The following COL11A2 variants were observed in gnomAD, a reference collection of about 807,000 sequenced individuals.
COL11A2 encodes collagen alpha-2(XI) chain.
A neutral mutation model predicts 273.4 loss-of-function variants in COL11A2; 116 were observed. The ratio of observed to expected loss-of-function variants is 0.42; its 90% CI spans 0.36 to 0.49. COL11A2 has a LOEUF of 0.49. COL11A2 is among the 20% of genes least tolerant of loss of function. The probability of loss-of-function intolerance (pLI) is 0.00; values close to 1 mark genes in which losing one functional copy is unlikely to be tolerated. For missense variants in COL11A2, 1,866 were observed against 2,309.0 expected (o/e 0.81, Z 3.93); for synonymous variants, 782 against 864.2 (o/e 0.90, Z 1.67).
In COL11A2 at chr6:33,189,368, C is replaced by G; in HGVS notation, c.184G>C (p.Val62Leu). The change falls in exon 2 of 66, where the codon GTG (valine) becomes CTG (leucine). Residue 62 changes from valine (V) to leucine (L), a missense_variant. Val to Leu is a conservative substitution (Grantham distance 32, BLOSUM62 1). Coordinates refer to ENST00000341947, the MANE Select transcript of COL11A2 (RefSeq NM_080680.3). This position sits in a 1 kb window ranked among gnomAD's most constrained non-coding sequence, Gnocchi z 5.6. Reference protein sequence around the residue: ...GICPADVAYRVARPAQLSAPT... With the variant: ...GICPADVAYRLARPAQLSAPT... Reference sequence around the variant, plus strand: ...GCACTGAGCTGGGCAGGTCGTGCCACTCGGTAGGCCACATCAGCTGGACAG... The same window carrying G: ...GCACTGAGCTGGGCAGGTCGTGCCAGTCGGTAGGCCACATCAGCTGGACAG... 1 of 1,613,380 alleles carries G rather than the reference C, an allele frequency of 6.2e-7. No individual in the cohort carries two copies. The highest frequency in any genetic ancestry group is 8.5e-7 in the Non-Finnish European group (1 of 1,180,028).
Position 33,185,045 on chromosome 6 carries a change from G to A in COL11A2, c.886C>T (p.Pro296Ser), listed in dbSNP as rs1462458544. The A allele has an allele frequency of 2.6e-6, 4 of 1,551,136 alleles. No homozygotes were observed. In the South Asian group the frequency reaches 4.8e-5, roughly 18 times the overall value. ...GTTPDYQDPT[P>S]GEEEEILESS... is the part of the protein sequence containing the mutation. ...TCCAGGATTTCTTCCTCTTCACCTG[G>A]GGTGGGGTCCTGACCCCAAGGAGAG... The change falls in exon 7 of 66, where the codon CCA (proline) becomes TCA (serine). Residue 296 changes from proline to serine, a missense_variant. Transcript: ENST00000341947.
At chr6:33,192,486 G>A (rs1455194722), upstream of COL11A2, 19 of 563,418 alleles carry the variant, frequency 3.4e-5, no homozygotes, top group Non-Finnish European at 1.3e-5. Context: ...CCACCCTGGC[G>A]CCCAGAGCCC....
chr6:33,169,824 C>G lies in COL11A2; in HGVS notation c.3690+7G>C, dbSNP rs755503010. The G allele has an allele frequency of 4.3e-6, 7 of 1,614,096 alleles. No homozygotes were observed. The highest frequency in any genetic ancestry group is 8.5e-7 in the Non-Finnish European group (1 of 1,179,992). On this transcript the variant is annotated splice_region_variant and intron_variant, in intron 50 of 65. Transcript: ENST00000341947. The surrounding 1 kb of genome is among the most constrained non-coding windows in gnomAD (Gnocchi z 5.5). ...CTGGGGAGTAAGGCCTTGGAGCTGT[C>G]ACTCACCTTGACACCTGGCTCGCCC...
rs760180011 is a variant in COL11A2 at position 33,180,276 on chromosome 6, G to A, written c.1341C>T (p.Gly447=). The A allele has an allele frequency of 4.3e-6, 7 of 1,612,886 alleles. No individual in the cohort carries two copies. The highest frequency in any genetic ancestry group is 3.3e-5 in the South Asian group (3 of 91,088). The change falls in exon 12 of 66, where the codon GGC becomes GGT. Residue 447 remains glycine (G), a synonymous_variant. Transcript: ENST00000341947. Reference sequence around the variant, plus strand: ...AACTCACTGGGAGCATGAGAGATGTGCCAGGAGGACCAGGAGCCCCATCTG... The same window carrying A: ...AACTCACTGGGAGCATGAGAGATGTACCAGGAGGACCAGGAGCCCCATCTG... ...PGSDGAPGPP[G]TSLMLPFRFG... is the part of the protein sequence containing the mutation.
intron 30 of COL11A2, among the ~76,000 whole-genome samples, 165 bp from the exon 31 acceptor site, chr6:33,174,745 T>C (rs1770665700): frequency 6.6e-6 from 1 of 151,972 alleles, no homozygotes; most frequent in Admixed American, 6.6e-5. Flanking sequence ...GCCTGACTTT[T>C]GTTGTCTCTC....
At chr6:33,192,499 A>ACCTCGC, upstream of COL11A2, 1 of 459,778 alleles carries the variant, frequency 2.2e-6, no homozygotes, top group South Asian at 2.4e-5. Context: ...CAGAGCCCCC[A>ACCTCGC]CCTCGCCCCC....
Position 33,179,719 on chromosome 6 carries a change from C to G in COL11A2, c.1446G>C (p.Arg482Ser), listed in dbSNP as rs746145871. 3 of 1,611,948 alleles carry G rather than the reference C, an allele frequency of 1.9e-6. No individual in the cohort carries two copies. The highest frequency in any genetic ancestry group is 1.3e-5 in the African/African-American group (1 of 75,046). The stretch of plus-strand genomic sequence containing the variant: ...TTTCCAGGGAAGCAGCCCCACTCAC[C>G]CTCGCCTGCTGCAGGATCGCCTGGG... Reference protein sequence around the residue: ...AQAQAILQQARLALRGPPGPM... With the variant: ...AQAQAILQQASLALRGPPGPM... The change falls in exon 13 of 66, where the codon AGG becomes AGC. Residue 482 changes from arginine to serine, a missense_variant and splice_region_variant. Arg to Ser is a moderately radical substitution (Grantham distance 110). Coordinates refer to ENST00000341947, the MANE Select transcript of COL11A2 (RefSeq NM_080680.3). This position sits in a 1 kb window ranked among gnomAD's most constrained non-coding sequence, Gnocchi z 6.4.
In COL11A2 at chr6:33,173,726, C is replaced by A; in HGVS notation, c.2603G>T (p.Gly868Val). 6.3e-7 allele frequency: 1 copy of A among 1,580,360 alleles called. No individual in the cohort carries two copies. The highest frequency in any genetic ancestry group is 1.2e-5 in the South Asian group (1 of 85,596). The change falls in exon 35 of 66, where the codon GGC (glycine) becomes GTC (valine). Residue 868 changes from glycine (G) to valine (V), a missense_variant. Transcript: ENST00000341947. This position sits in a 1 kb window ranked among gnomAD's most constrained non-coding sequence, Gnocchi z 6.3. ...SGAKGTSGGD[G>V]PHGPPGERGL... ...CCTCTCTCCAGGGGGCCCATGGGGG[C>A]CATCACCACCAGATGTTCCCTGTGG...
At chr6:33,192,995 G>A (rs1018484941), upstream of COL11A2, among the ~76,000 whole-genome samples, 4 of 152,206 alleles carry the variant, frequency 2.6e-5, no homozygotes, top group African/African-American at 7.2e-5. Context: ...GTGTTCTACG[G>A]AGAGCAAGAG....
At position 33,174,186 on chromosome 6, in the gene COL11A2, G is replaced by A; in HGVS notation, c.2463C>T (p.Ala821=). The stretch of plus-strand genomic sequence containing the variant: ...TTACCCGGGCTCCCTTCTCTCCACT[G>A]GCACCAGGAAAGCCAGGAAATCCTA... ...GSLGFPGFPG[A]SGEKGARGLS... The change falls in exon 32 of 66, where the codon GCC becomes GCT. Residue 821 remains alanine, a synonymous_variant. Transcript: ENST00000341947. 1 of 1,582,040 alleles carries A rather than the reference G, an allele frequency of 6.3e-7. No individual in the cohort carries two copies. Among genetic ancestry groups the A allele is most frequent in the Non-Finnish European group, 8.6e-7 (1 of 1,163,632 alleles).
Position 33,166,237 on chromosome 6 carries a change from C to T in COL11A2, c.4393-31G>A. On this transcript the variant is annotated intron_variant, in intron 60 of 65. Transcript: ENST00000341947. The surrounding 1 kb of genome is among the most constrained non-coding windows in gnomAD (Gnocchi z 4.8). ...AAATGAGGAACAAGAAAGAGACGGTCACTGCAGGGGAAGGACAGGACTCAG... is the reference window on the plus strand; with the variant it reads ...AAATGAGGAACAAGAAAGAGACGGTTACTGCAGGGGAAGGACAGGACTCAG... 6.3e-7 allele frequency: 1 copy of T among 1,587,452 alleles called. No homozygotes were observed. Among genetic ancestry groups the T allele is most frequent in the Non-Finnish European group, 8.6e-7 (1 of 1,167,646 alleles).
rs1053666428 is a variant in COL11A2 at position 33,177,385 on chromosome 6, G to A, written c.1971+27C>T. On this transcript the variant is annotated intron_variant, in intron 23 of 65. Transcript: ENST00000341947. The surrounding 1 kb of genome is among the most constrained non-coding windows in gnomAD (Gnocchi z 5.9). The stretch of plus-strand genomic sequence containing the variant: ...AAGCCCAAGGGAAGTCATGAAAATT[G>A]GGGAACGGAGTAGGGGCACCGCTCA... 1.2e-6 allele frequency: 2 copies of A among 1,612,318 alleles called. No homozygotes were observed. The highest frequency in any genetic ancestry group is 2.7e-5 in the African/African-American group (2 of 74,924).
intron 4 of COL11A2, 30 bp from the exon 5 acceptor site, chr6:33,186,848 G>A (rs774477373): frequency 1.2e-6 from 2 of 1,612,964 alleles, no homozygotes; most frequent in Admixed American, 3.3e-5. Flanking sequence ...ATGGAGCGGA[G>A]AGATTCAGAG....
chr6:33,186,465 T>C, intron 5 of COL11A2, 162 bp downstream of exon 5: 1 of 1,461,976 alleles, frequency 6.8e-7, no homozygotes, highest in Non-Finnish European at 9.0e-7. Context: ...CAACTCTTTT[T>C]ATTTTTAGAT....
In COL11A2 at chr6:33,165,811, G is replaced by A; in HGVS notation, c.4488C>T (p.Pro1496=). The A allele has an allele frequency of 1.2e-6, 2 of 1,613,538 alleles. No homozygotes were observed. Among genetic ancestry groups the A allele is most frequent in the Non-Finnish European group, 1.7e-6 (2 of 1,180,000 alleles). Residue 1496 remains proline, a synonymous_variant, in exon 63 of 66, where the codon CCC becomes CCT. Transcript: ENST00000341947. The surrounding 1 kb of genome is among the most constrained non-coding windows in gnomAD (Gnocchi z 7.7). ...GCAGTGGCTGGATCACCTCGCCTGG[G>A]GGACCCTGGGTGCAGGGACAGATGG... is the stretch of plus-strand genomic sequence containing the variant. ...GVQGPPGHPG[P]PGEVIQPLPI... is the part of the protein sequence containing the mutation.
chr6:33,173,959 C>G lies in COL11A2; in HGVS notation c.2530-33G>C. 6.2e-7 allele frequency: 1 copy of G among 1,614,042 alleles called. No homozygotes were observed. The highest frequency in any genetic ancestry group is 8.5e-7 in the Non-Finnish European group (1 of 1,179,976). On this transcript the variant is annotated intron_variant, in intron 33 of 65. Coordinates refer to ENST00000341947, the MANE Select transcript of COL11A2 (RefSeq NM_080680.3). This position sits in a 1 kb window ranked among gnomAD's most constrained non-coding sequence, Gnocchi z 6.3. ...GGGAAGAGGAGTTGTCAGAGAAACC[C>G]AAATGCCCCCCTCTGGACCTTGAGC...
chr6:33,165,632 T>G lies in COL11A2; in HGVS notation c.4667A>C (p.Gln1556Pro), dbSNP rs1768999729. Residue 1556 changes from glutamine (Q) to proline (P), a missense_variant, in exon 63 of 66, where the codon CAG (glutamine) becomes CCG (proline). Coordinates refer to ENST00000341947, the MANE Select transcript of COL11A2 (RefSeq NM_080680.3). This position sits in a 1 kb window ranked among gnomAD's most constrained non-coding sequence, Gnocchi z 7.7. The part of the protein sequence containing the change: ...SLDSLREEIE[Q>P]MRRPTGTQDS... ...CTGGGTCCCTGTTGGCCGCCTCATC[T>G]GCTCGATCTCCTCCCGCAGGGAGTC... 6.2e-7 allele frequency: 1 copy of G among 1,613,108 alleles called. No homozygotes were observed. Among genetic ancestry groups the G allele is most frequent in the Non-Finnish European group, 8.5e-7 (1 of 1,180,016 alleles).
intron 1 of COL11A2, among the ~76,000 whole-genome samples, chr6:33,191,541 T>G (rs1019362556): frequency 6.6e-6 from 1 of 152,216 alleles, no homozygotes; most frequent in Non-Finnish European, 1.5e-5. Flanking sequence ...TGCAAAGAGT[T>G]GGCTCTGGCC....
At chr6:33,175,881 G>T in intron 29 of COL11A2, 135 bp downstream of exon 29, 7 of 1,182,768 alleles carry the variant, frequency 5.9e-6, no homozygotes, top group Non-Finnish European at 7.6e-6. Context: ...ATCCTGTAGG[G>T]GTCAGGCTCC....
Sources: allele counts gnomAD v4.1 joint callset (sites outside exome capture counted in the v4.1 genomes callset), GRCh38; gene constraint gnomAD v4.1.1; non-coding constraint Gnocchi (gnomAD v3.1); transcripts MANE v1.5; gene names NCBI Gene and HGNC (gene_info 2026-07-23, HGNC 2026-07-21).